The following FXR2 variants were observed in gnomAD, a reference collection of about 807,000 sequenced individuals.
The protein encoded by FXR2 is FMR1 autosomal homolog 2, also known as RNA-binding protein FXR2.
In FXR2, 9 loss-of-function variants were observed where a neutral mutation model predicts 87.3. The observed-to-expected ratio is 0.10, with a 90% CI of 0.06 to 0.18. FXR2 has a LOEUF of 0.18. Ranked by LOEUF, FXR2 falls within the 10% of genes least tolerant of loss-of-function variation. FXR2 has a pLI of 1.00. For missense variants in FXR2, 661 were observed against 893.6 expected (o/e 0.74, Z 3.32); for synonymous variants, 331 against 328.3 (o/e 1.01, Z -0.09).
chr17:7,592,657 C>A lies in FXR2; in HGVS notation c.1729+37G>T, dbSNP rs1185445250. ...CCAACCTCCCACCCTCGATTCCTACCCATCTCTAACTTTCCAGACCCCAGG... is the reference window on the plus strand; with the variant it reads ...CCAACCTCCCACCCTCGATTCCTACACATCTCTAACTTTCCAGACCCCAGG... On this transcript the variant is annotated intron_variant, in intron 14 of 16. Coordinates refer to ENST00000250113, the MANE Select transcript of FXR2 (RefSeq NM_004860.4). This position sits in a 1 kb window ranked among gnomAD's most constrained non-coding sequence, Gnocchi z 4.8. 6.2e-7 allele frequency: 1 copy of A among 1,612,522 alleles called. No homozygotes were observed. The highest frequency in any genetic ancestry group is 1.3e-5 in the African/African-American group (1 of 74,798).
intron 1 of FXR2, among the ~76,000 whole-genome samples, chr17:7,611,735 A>G (rs529282996): frequency 1.3e-5 from 2 of 151,822 alleles, no homozygotes; most frequent in South Asian, 4.2e-4. Context: ...GAGAGGAGAA[A>G]GGGACCTTCC....
At chr17:7,608,334 C>T (rs188889872) in intron 1 of FXR2, among the ~76,000 whole-genome samples, 1,795 of 151,348 alleles carry the variant, frequency 0.012, 13 homozygotes, top group Middle Eastern at 0.034. Flanking sequence ...TAGCACACGC[C>T]TGTAATCCCA....
chr17:7,595,795 G>T lies in FXR2; in HGVS notation c.831+29C>A. 6.3e-7 allele frequency: 1 copy of T among 1,594,910 alleles called. No individual in the cohort carries two copies. Among genetic ancestry groups the T allele is most frequent in the Non-Finnish European group, 8.6e-7 (1 of 1,163,650 alleles). ...CCTCTCTTCCCTCTATCCCCTAAGA[G>T]ACCCAGAAGAAAGACATCCTTTGCT... is the stretch of plus-strand genomic sequence containing the variant. On this transcript the variant is annotated intron_variant, in intron 8 of 16. Transcript: ENST00000250113. This position sits in a 1 kb window ranked among gnomAD's most constrained non-coding sequence, Gnocchi z 4.7.
chr17:7,592,521 C>T lies in FXR2; in HGVS notation c.1808G>A (p.Ser603Asn), dbSNP rs1227675495. The change falls in exon 15 of 17, where the codon AGT (serine) becomes AAT (asparagine). Residue 603 changes from serine to asparagine, a missense_variant. Ser to Asn is a conservative substitution (Grantham distance 46). Coordinates refer to ENST00000250113, the MANE Select transcript of FXR2 (RefSeq NM_004860.4). The surrounding 1 kb of genome is among the most constrained non-coding windows in gnomAD (Gnocchi z 4.8). ...TGGCTGACCTGGCTGGCGGTCTCCACTGATAGAGCCATCAGTCCGATTACC... is the reference window on the plus strand; with the variant it reads ...TGGCTGACCTGGCTGGCGGTCTCCATTGATAGAGCCATCAGTCCGATTACC... ...NRGNRTDGSI[S>N]GDRQPVTVAD... 1 of 1,613,858 alleles carries T rather than the reference C, an allele frequency of 6.2e-7. No homozygotes were observed. The highest frequency in any genetic ancestry group is 8.5e-7 in the Non-Finnish European group (1 of 1,179,856).
chr17:7,606,683 T>C (rs767378739), intron 1 of FXR2, among the ~76,000 whole-genome samples: 9 of 152,078 alleles, frequency 5.9e-5, no homozygotes, highest in Non-Finnish European at 1.2e-4. Context: ...ATGAACACAA[T>C]TTACAGAAGG....
At position 7,594,887 on chromosome 17, in the gene FXR2, T is replaced by C. The variant is rs2071695185; in HGVS notation, c.832-130A>G. 4 of 659,736 alleles carry C rather than the reference T, an allele frequency of 6.1e-6. No individual in the cohort carries two copies. Among genetic ancestry groups the C allele is most frequent in the African/African-American group, 1.8e-5 (1 of 55,200 alleles). The allele number at this position is 659,736 out of a possible 1,614,324, so 40.9% of individuals were successfully genotyped here. ...TAAATTGAGCTCAAGAGTTCAAGAC[T>C]AGCCTGGGCAATATGGTGAAACGCC... On this transcript the variant is annotated intron_variant, in intron 8 of 16. Transcript: ENST00000250113. This position sits in a 1 kb window ranked among gnomAD's most constrained non-coding sequence, Gnocchi z 5.1.
At chr17:7,605,595 G>C (rs1171435495) in intron 3 of FXR2, 50 bp downstream of exon 3, 2 of 953,256 alleles carry the variant, frequency 2.1e-6, no homozygotes, top group African/African-American at 1.6e-5. Flanking sequence ...GAAAAGCCTA[G>C]AATCCTGGGG....
intron 1 of FXR2, among the ~76,000 whole-genome samples, chr17:7,609,981 T>TATACGTATATGTATAC (rs1567753917): frequency 6.2e-5 from 3 of 48,542 alleles, no homozygotes; most frequent in Non-Finnish European, 2.0e-4. Flanking sequence ...TATGTATACA[T>TATACGTATATGTATAC]ATATATATAC....
In FXR2 at chr17:7,594,123, A is replaced by T; in HGVS notation, c.1020+115T>A. On this transcript the variant is annotated intron_variant, in intron 10 of 16. Transcript: ENST00000250113. This position sits in a 1 kb window ranked among gnomAD's most constrained non-coding sequence, Gnocchi z 5.1. ...GATCATTCTGGGCTCTAAATCTACT[A>T]GTGTTAAACAACTTTCCGTACTCCA... The T allele has an allele frequency of 2.3e-6, 2 of 880,636 alleles. No homozygotes were observed. Among genetic ancestry groups the T allele is most frequent in the Non-Finnish European group, 3.8e-6 (2 of 527,418 alleles). 54.6% of individuals were successfully genotyped at this position (880,636 alleles called of 1,614,324 possible). A position where few individuals can be genotyped will look rare whatever the true frequency, so the allele number is the denominator to read the frequency against.
In FXR2 at chr17:7,595,454, C is replaced by T. The variant is rs892186230; in HGVS notation, c.831+370G>A. Among the ~76,000 whole-genome samples the T allele has an allele frequency of 1.3e-5, 2 of 151,632 alleles. No homozygotes were observed. Among genetic ancestry groups the T allele is most frequent in the Admixed American group, 6.6e-5 (1 of 15,176 alleles). ...GATGCATGCCACCACGCTCAGTTAA[C>T]GTTTTTTGGTTTTTGGTTTTTTTGG... On this transcript the variant is annotated intron_variant, in intron 8 of 16. Transcript: ENST00000250113. This position sits in a 1 kb window ranked among gnomAD's most constrained non-coding sequence, Gnocchi z 4.7.
intron 1 of FXR2, among the ~76,000 whole-genome samples, chr17:7,608,752 T>C (rs369258877): frequency 5.3e-5 from 8 of 152,320 alleles, no homozygotes; most frequent in Non-Finnish European, 8.8e-5. Flanking sequence ...TGGTAGTTGA[T>C]GGAGGACTTT....
chr17:7,600,745 G>A (rs2071748332), intron 7 of FXR2, among the ~76,000 whole-genome samples: 2 of 152,176 alleles, frequency 1.3e-5, no homozygotes, highest in African/African-American at 4.8e-5. Context: ...TGAGCTGGGT[G>A]TGGTGGCACA....
chr17:7,603,866 T>C lies in FXR2; in HGVS notation c.340A>G (p.Asn114Asp). The C allele has an allele frequency of 6.2e-7, 1 of 1,613,930 alleles. No homozygotes were observed. The highest frequency in any genetic ancestry group is 1.1e-5 in the South Asian group (1 of 91,080). Residue 114 changes from asparagine to aspartate, a missense_variant, in exon 5 of 17, where the codon AAT (asparagine) becomes GAT (aspartate). By Grantham distance (23) the Asn-to-Asp change is conservative. This residue lies in a region of FXR2 where 170 missense variants were observed against 247.2 expected (regional missense o/e 0.69). Transcript: ENST00000250113. Reference sequence around the variant, plus strand: ...AGTCGCTCCAGGGTAACAATTTCATTGTAGGTGGCATCACAGGCAGCATAT... The same window carrying C: ...AGTCGCTCCAGGGTAACAATTTCATCGTAGGTGGCATCACAGGCAGCATAT... ...IEYAACDATY[N>D]EIVTLERLRP...
At chr17:7,613,698 C>G (rs934425397) in intron 1 of FXR2, among the ~76,000 whole-genome samples, 1 of 152,140 alleles carries the variant, frequency 6.6e-6, no homozygotes, top group Non-Finnish European at 1.5e-5. Context: ...TGCCTCAAGA[C>G]GAAGAAACTA....
At position 7,592,748 on chromosome 17, in the gene FXR2, C is replaced by G. The variant is rs771629059; in HGVS notation, c.1675G>C (p.Val559Leu). 2.4e-5 allele frequency: 38 copies of G among 1,613,682 alleles called. No homozygotes were observed. Among genetic ancestry groups the G allele is most frequent in the Non-Finnish European group, 3.0e-5 (35 of 1,179,852 alleles). Reference sequence around the variant, plus strand: ...TCTGATTCCAGGCCTCCATCCATGACGGTCCTGTCTTCATCAGTGCGGCGG... The same window carrying G: ...TCTGATTCCAGGCCTCCATCCATGAGGGTCCTGTCTTCATCAGTGCGGCGG... Reference protein sequence around the residue: ...RRRRTDEDRTVMDGGLESDGP... With the variant: ...RRRRTDEDRTLMDGGLESDGP... The change falls in exon 14 of 17, where the codon GTC (valine) becomes CTC (leucine). Residue 559 changes from valine to leucine, a missense_variant. Coordinates refer to ENST00000250113, the MANE Select transcript of FXR2 (RefSeq NM_004860.4). The surrounding 1 kb of genome is among the most constrained non-coding windows in gnomAD (Gnocchi z 4.8).
chr17:7,609,912 G>GTATATGTATACA (rs2071836128), intron 1 of FXR2, among the ~76,000 whole-genome samples: 1 of 112,514 alleles, frequency 8.9e-6, no homozygotes, highest in East Asian at 3.4e-4. Context: ...ACATATATAT[G>GTATATGTATACA]TATATATACA....
chr17:7,594,893 G>A lies in FXR2; in HGVS notation c.832-136C>T. The A allele has an allele frequency of 3.1e-6, 2 of 639,158 alleles. No individual in the cohort carries two copies. The highest frequency in any genetic ancestry group is 5.6e-6 in the Non-Finnish European group (2 of 356,588). The allele number at this position is 639,158 out of a possible 1,614,324, so 39.6% of individuals were successfully genotyped here. On this transcript the variant is annotated intron_variant, in intron 8 of 16. Transcript: ENST00000250113. The surrounding 1 kb of genome is among the most constrained non-coding windows in gnomAD (Gnocchi z 5.1). ...GAGCTCAAGAGTTCAAGACTAGCCTGGGCAATATGGTGAAACGCCATCTCT... is the reference window on the plus strand; with the variant it reads ...GAGCTCAAGAGTTCAAGACTAGCCTAGGCAATATGGTGAAACGCCATCTCT...
chr17:7,601,040 G>A (rs2071751278), intron 7 of FXR2, among the ~76,000 whole-genome samples: 1 of 152,122 alleles, frequency 6.6e-6, no homozygotes, highest in Non-Finnish European at 1.5e-5. Flanking sequence ...TTAGCCGGGT[G>A]TGGTGGCGCA....
At chr17:7,610,006 A>ATATATATACATGTATATTATACATGTATG (rs2071846177) in intron 1 of FXR2, among the ~76,000 whole-genome samples, 1 of 95,692 alleles carries the variant, frequency 1.0e-5, no homozygotes, top group African/African-American at 4.1e-5. Flanking sequence ...ATATGTATAC[A>ATATATATACATGTATATTATACATGTATG]TATATATATA....
Sources: gnomAD v4.1 joint callset for allele counts (sites outside exome capture counted in the v4.1 genomes callset) on GRCh38, gnomAD v4.1.1 for gene constraint, gnomAD v4.1.1 regional missense constraint, Gnocchi (gnomAD v3.1) non-coding constraint, MANE v1.5 for transcripts, NCBI Gene and HGNC (gene_info 2026-07-23, HGNC 2026-07-21) for gene names.